The following PSEN2 variants were observed in gnomAD, a reference collection of about 807,000 sequenced individuals.
PSEN2 encodes presenilin 2.
In PSEN2, 32 loss-of-function variants were observed where a neutral mutation model predicts 49.1. The observed-to-expected ratio is 0.65, with a 90% CI of 0.49 to 0.88. The LOEUF (loss-of-function observed/expected upper bound fraction) is 0.88, where lower values mean the gene tolerates loss of function less well. Ranked by LOEUF, PSEN2 falls within the 40% of genes least tolerant of loss-of-function variation. The probability of loss-of-function intolerance (pLI) is 0.00; values close to 1 mark genes in which losing one functional copy is unlikely to be tolerated. For synonymous variants in PSEN2, 255 were observed against 244.0 expected (o/e 1.05, Z -0.42); for missense variants, 522 against 586.9 (o/e 0.89, Z 1.14).
At chr1:226,888,800 C>T (rs916158364) in intron 7 of PSEN2, 29 bp from the exon 8 acceptor site, 2 of 1,591,576 alleles carry the variant, frequency 1.3e-6, no homozygotes, top group Non-Finnish European at 1.7e-6. Flanking sequence ...CACTGAGTCC[C>T]AGTCACAGGC....
rs1309487492 is a variant in PSEN2, at chr1:226,883,999, G to T, written c.356+80G>T. On this transcript the variant is annotated intron_variant, in intron 5 of 12. Coordinates refer to ENST00000366783, the MANE Select transcript of PSEN2 (RefSeq NM_000447.3). Reference sequence around the variant, plus strand: ...GTGGGGGGCGCAGCAGCCTGTGTTGGTCACTGTACCTGCAGCTCCACACCA... The same window carrying T: ...GTGGGGGGCGCAGCAGCCTGTGTTGTTCACTGTACCTGCAGCTCCACACCA... The T allele has an allele frequency of 8.8e-6, 11 of 1,243,874 alleles. No individual in the cohort carries two copies. The South Asian group carries it at 1.4e-4, about 16-fold the overall frequency. 77.1% of individuals were successfully genotyped at this position (1,243,874 alleles called of 1,614,324 possible).
chr1:226,902,165 T>C (rs953658125), intron 12 of PSEN2, among the ~76,000 whole-genome samples: 1 of 152,144 alleles, frequency 6.6e-6, no homozygotes, highest in African/African-American at 2.4e-5. Context: ...CATCAGGCAT[T>C]AGATTCTCAT....
chr1:226,883,650 T>A, intron 4 of PSEN2, 55 bp from the exon 5 acceptor site: 1 of 1,544,890 alleles, frequency 6.5e-7, no homozygotes, highest in Non-Finnish European at 8.9e-7. Context: ...GTGCATTACA[T>A]GGATAGGCTG....
intron 1 of PSEN2, 73 bp from the exon 2 acceptor site, chr1:226,871,189 C>T (rs972179866): frequency 1.3e-5 from 2 of 152,284 alleles, no homozygotes; most frequent in Non-Finnish European, 2.9e-5. Context: ...TCTGCCCGCA[C>T]GTGAGGGGCA....
In PSEN2 at chr1:226,890,366, C is replaced by T. The variant is rs11804915; in HGVS notation, c.886+233C>T. Among the ~76,000 whole-genome samples, 3,778 of 152,332 alleles carry T rather than the reference C, an allele frequency of 0.025. 138 individuals are homozygous for T. Among genetic ancestry groups the T allele is most frequent in the African/African-American group, 0.086 (3,565 of 41,574 alleles). On this transcript the variant is annotated intron_variant, in intron 9 of 12. Transcript: ENST00000366783. ...TGTGCTGCAGTCCCTGACTTCATCC[C>T]GTCCATCCTCCAGCGGCATGCTGCG...
chr1:226,882,668 G>T (rs1375105799), intron 4 of PSEN2, among the ~76,000 whole-genome samples: 5 of 152,138 alleles, frequency 3.3e-5, no homozygotes, highest in Admixed American at 3.3e-4. Context: ...TCTCTGTGTG[G>T]ACTGTTTTCT....
chr1:226,896,702 A>G (rs1311961244), downstream of PSEN2, among the ~76,000 whole-genome samples: 2 of 152,094 alleles, frequency 1.3e-5, no homozygotes, highest in African/African-American at 4.8e-5. Context: ...TACAAAAAAA[A>G]ATTTAAAAAT....
chr1:226,888,818 T>C lies in PSEN2; in HGVS notation c.567-11T>C, dbSNP rs759850465. The C allele has an allele frequency of 6.2e-7, 1 of 1,611,790 alleles. No individual in the cohort carries two copies. The highest frequency in any genetic ancestry group is 8.5e-7 in the Non-Finnish European group (1 of 1,177,872). ...TGAGTCCCAGTCACAGGCTCCACCT[T>C]GGTCCTGCAGGGAAGTGCTCAAGAC... On this transcript the variant is annotated splice_polypyrimidine_tract_variant and intron_variant, in intron 7 of 12. Transcript: ENST00000366783.
rs1213166860 is a variant in PSEN2, at chr1:226,888,996, A to G, written c.734A>G (p.Lys245Arg). 1.9e-6 allele frequency: 3 copies of G among 1,614,122 alleles called. No homozygotes were observed. Among genetic ancestry groups the G allele is most frequent in the African/African-American group, 1.3e-5 (1 of 75,018 alleles). The change falls in exon 8 of 13, where the codon AAG becomes AGG. Residue 245 changes from lysine to arginine, a missense_variant. Physicochemically the swap from Lys to Arg is conservative, Grantham distance 26. Coordinates refer to ENST00000366783, the MANE Select transcript of PSEN2 (RefSeq NM_000447.3). ...ISALMALVFIKYLPEWSAWVI... is the reference protein window; with the variant it reads ...ISALMALVFIRYLPEWSAWVI... ...GCGCTCATGGCCCTAGTGTTCATCA[A>G]GTACCTCCCAGAGTGGTCCGCGTGG...
chr1:226,872,174 T>G (rs1241796819), intron 2 of PSEN2, among the ~76,000 whole-genome samples: 1 of 152,160 alleles, frequency 6.6e-6, no homozygotes, highest in Non-Finnish European at 1.5e-5. Context: ...TGGTGCATAA[T>G]GTCACACCTG....
chr1:226,899,129 A>G (rs933512756), downstream of PSEN2: 1 of 152,112 alleles, frequency 6.6e-6, no homozygotes. Context: ...TTAAATGTTA[A>G]TGTTATTAAA....
At chr1:226,901,751 G>C (rs2102705332) in intron 12 of PSEN2, among the ~76,000 whole-genome samples, 1 of 152,284 alleles carries the variant, frequency 6.6e-6, no homozygotes, top group South Asian at 2.1e-4. Context: ...TTCCCTATGA[G>C]AATGACTTTT....
At chr1:226,889,957 G>T in intron 8 of PSEN2, 78 bp from the exon 9 acceptor site, 4 of 1,138,914 alleles carry the variant, frequency 3.5e-6, no homozygotes, top group South Asian at 1.2e-5. Flanking sequence ...TCCACCCGGG[G>T]CTCCTGTGCT....
At chr1:226,878,119 G>A (rs896159117) in intron 3 of PSEN2, among the ~76,000 whole-genome samples, 3 of 150,508 alleles carry the variant, frequency 2.0e-5, no homozygotes, top group Non-Finnish European at 3.0e-5. Flanking sequence ...TCACTCTGTC[G>A]CCCAGGCTGA....
chr1:226,896,006 C>T lies in PSEN2; in HGVS notation c.*427C>T, dbSNP rs1300163072. On this transcript the variant is annotated 3_prime_UTR_variant, in exon 13 of 13. Transcript: ENST00000366783. ...CATGATGTCCTTGTTATTTTATTGC[C>T]TTTAGAAACTGAGTCCTGTTCTTGT... 7.9e-6 allele frequency: 2 copies of T among 252,032 alleles called. No individual in the cohort carries two copies. Among genetic ancestry groups the T allele is most frequent in the South Asian group, 5.4e-5 (1 of 18,434 alleles). 15.6% of individuals were successfully genotyped at this position (252,032 alleles called of 1,614,324 possible). A position where few individuals can be genotyped will look rare whatever the true frequency, so the allele number is the denominator to read the frequency against.
chr1:226,891,213 C>T, intron 9 of PSEN2, 65 bp from the exon 10 acceptor site: 1 of 1,453,854 alleles, frequency 6.9e-7, no homozygotes. Context: ...TGGCCACCTC[C>T]CCCAGGCCCT....
rs1442714159 is a variant in PSEN2, at chr1:226,902,403, T to C, written c.1192-6119T>C. On this transcript the variant is annotated intron_variant, in intron 12 of 14. Coordinates refer to the PSEN2 transcript ENST00000676945. Reference sequence around the variant, plus strand: ...GATTTAGAGGAAGTAAGGGCATGGCTTACCGTGGGCCCTGGGGTGTTCTGG... The same window carrying C: ...GATTTAGAGGAAGTAAGGGCATGGCCTACCGTGGGCCCTGGGGTGTTCTGG... Among the ~76,000 whole-genome samples the C allele has an allele frequency of 3.9e-5, 6 of 152,012 alleles. No individual in the cohort carries two copies. The East Asian group carries it at 1.2e-3, about 29-fold the overall frequency.
intron 3 of PSEN2, among the ~76,000 whole-genome samples, chr1:226,879,324 C>CCT (rs1189881550): frequency 1.3e-5 from 2 of 152,168 alleles, no homozygotes; most frequent in East Asian, 3.9e-4. Context: ...CCAGAACTTC[C>CCT]CTGTGGCCCT....
At position 226,885,535 on chromosome 1, in the gene PSEN2, C is replaced by A; in HGVS notation, c.357-3C>A. 1 of 1,613,950 alleles carries A rather than the reference C, an allele frequency of 6.2e-7. No homozygotes were observed. ...AGCATCAGCCCTTTGCCTTCTCCCT[C>A]AGCATCTACACGCCATTCACTGAGG... On this transcript the variant is annotated splice_region_variant and splice_polypyrimidine_tract_variant and intron_variant, in intron 5 of 12. Transcript: ENST00000366783.
Sources: allele counts gnomAD v4.1 joint callset (sites outside exome capture counted in the v4.1 genomes callset), GRCh38; gene constraint gnomAD v4.1.1; transcripts MANE v1.5; gene names NCBI Gene and HGNC (gene_info 2026-07-23, HGNC 2026-07-21).